ANO5: variants seen among roughly 807,000 people sequenced by gnomAD.
ANO5 encodes anoctamin 5.
Under a neutral mutation model 121.0 loss-of-function variants are expected in ANO5, and 109 were observed. The observed-to-expected ratio is 0.90, with a 90% CI of 0.77 to 1.06. The LOEUF is 1.06. ANO5 is among the 50% of genes least tolerant of loss of function. The probability of loss-of-function intolerance (pLI) is 0.00; values close to 1 mark genes in which losing one functional copy is unlikely to be tolerated. For missense variants in ANO5, 1,064 were observed against 1,078.5 expected, an observed-to-expected ratio of 0.99 and a Z score of 0.19; for synonymous variants, 406 against 359.9, an observed-to-expected ratio of 1.13 and a Z score of -1.45.
chr11:22,225,241 T>A (rs1283252287), intron 5 of ANO5, among the ~76,000 whole-genome samples: 1 of 152,046 alleles, frequency 6.6e-6, no homozygotes, highest in Non-Finnish European at 1.5e-5. Context: ...GAGGATGAGT[T>A]GAGGCCAGGA....
intron 1 of ANO5, among the ~76,000 whole-genome samples, chr11:22,194,710 GC>G (rs1352335788): frequency 3.3e-5 from 5 of 152,156 alleles, no homozygotes; most frequent in Admixed American, 1.3e-4. Context: ...GTTGTAACTG[GC>G]TTCTTTCTCG....
chr11:22,240,875 T>C (rs1853406832), intron 9 of ANO5, among the ~76,000 whole-genome samples: 1 of 152,132 alleles, frequency 6.6e-6, no homozygotes, highest in East Asian at 1.9e-4. Context: ...CTTTATTCAC[T>C]AAATAGTATA....
At chr11:22,213,891 T>TTTGTTTTG (rs1554921292) in intron 3 of ANO5, among the ~76,000 whole-genome samples, 2 of 148,380 alleles carry the variant, frequency 1.3e-5, no homozygotes, top group African/African-American at 5.2e-5. Context: ...GGTGTTTTGT[T>TTTGTTTTG]TTTTGTTTTG....
chr11:22,237,856 G>A (rs1320229486), intron 8 of ANO5, among the ~76,000 whole-genome samples: 1 of 151,702 alleles, frequency 6.6e-6, no homozygotes, highest in Admixed American at 6.6e-5. Context: ...ACCAATCCCC[G>A]GACCCTTGGA....
At chr11:22,241,007 C>T (rs1853411537) in intron 9 of ANO5, among the ~76,000 whole-genome samples, 1 of 151,712 alleles carries the variant, frequency 6.6e-6, no homozygotes, top group Non-Finnish European at 1.5e-5. Context: ...AAACATTAGG[C>T]TGTCCCAATT....
intron 15 of ANO5, chr11:22,261,121 T>G (rs1437234418): frequency 2.0e-5 from 3 of 152,214 alleles, no homozygotes; most frequent in Non-Finnish European, 4.4e-5. Flanking sequence ...TGGCAGATAG[T>G]GTTTGGAGAT....
chr11:22,276,903 A>C (rs1854873528), intron 21 of ANO5, among the ~76,000 whole-genome samples: 3 of 150,648 alleles, frequency 2.0e-5, no homozygotes, highest in Admixed American at 1.3e-4. Flanking sequence ...AGAACATGCC[A>C]TTCCAACCAG....
At chr11:22,236,357 A>AT in intron 8 of ANO5, 81 bp downstream of exon 8, 1 of 1,164,388 alleles carries the variant, frequency 8.6e-7, no homozygotes, top group Non-Finnish European at 1.3e-6. Flanking sequence ...ATCTTCCTTT[A>AT]CTTCAGTTGC....
Position 22,281,528 on chromosome 11 carries a change from C to T in ANO5, c.*1763C>T, listed in dbSNP as rs1046479645. The T allele has an allele frequency of 1.3e-5, 2 of 150,408 alleles. No individual in the cohort carries two copies. Among genetic ancestry groups the T allele is most frequent in the Admixed American group, 6.7e-5 (1 of 15,030 alleles). 9.3% of individuals were successfully genotyped at this position (150,408 alleles called of 1,614,324 possible). A position where few individuals can be genotyped will look rare whatever the true frequency, so the allele number is the denominator to read the frequency against. ...AGATAATATTTCTTTCTTGAAAAAACAAGTCAGGCTTACCATGATGTGTGC... is the reference window on the plus strand; with the variant it reads ...AGATAATATTTCTTTCTTGAAAAAATAAGTCAGGCTTACCATGATGTGTGC... On this transcript the variant is annotated 3_prime_UTR_variant, in exon 22 of 22. Coordinates refer to ENST00000324559, the MANE Select transcript of ANO5 (RefSeq NM_213599.3).
intron 7 of ANO5, among the ~76,000 whole-genome samples, chr11:22,235,020 A>G (rs1006497379): frequency 2.6e-5 from 4 of 152,112 alleles, no homozygotes; most frequent in East Asian, 3.9e-4. Context: ...ACTTCTCCCT[A>G]TGAATGAAAT....
At chr11:22,197,619 A>C (rs1851852218) in intron 1 of ANO5, among the ~76,000 whole-genome samples, 1 of 152,214 alleles carries the variant, frequency 6.6e-6, no homozygotes, top group Non-Finnish European at 1.5e-5. Context: ...GAAATATTTT[A>C]TTTTATACTG....
At chr11:22,274,177 CA>C (rs1854742664) in intron 19 of ANO5, among the ~76,000 whole-genome samples, 2 of 143,688 alleles carry the variant, frequency 1.4e-5, no homozygotes, top group Admixed American at 6.7e-5. Flanking sequence ...CACACACACA[CA>C]CACACACACA....
chr11:22,249,767 TC>T (rs1357985882), intron 9 of ANO5, among the ~76,000 whole-genome samples: 1 of 152,118 alleles, frequency 6.6e-6, no homozygotes, highest in Non-Finnish European at 1.5e-5. Flanking sequence ...GAAATGTATA[TC>T]TACAATGCGG....
chr11:22,279,194 A>G (rs111281762), intron 21 of ANO5, among the ~76,000 whole-genome samples: 2 of 151,948 alleles, frequency 1.3e-5, no homozygotes, highest in African/African-American at 4.8e-5. Context: ...TTTGGTTTCC[A>G]CTATCAGTCA....
Position 22,274,751 on chromosome 11 carries a change from A to G in ANO5, c.2414+4A>G, listed in dbSNP as rs1564953081. ...AACGAGACTTCATCACTTGCAGGTG[A>G]TTTGTTTGTTTGTTTGTTTAGGTTT... is the stretch of plus-strand genomic sequence containing the variant. On this transcript the variant is annotated splice_donor_region_variant and intron_variant, in intron 20 of 21. Transcript: ENST00000324559. 1 of 1,612,674 alleles carries G rather than the reference A, an allele frequency of 6.2e-7. No individual in the cohort carries two copies. The highest frequency in any genetic ancestry group is 1.1e-5 in the South Asian group (1 of 91,056).
intron 8 of ANO5, among the ~76,000 whole-genome samples, chr11:22,236,604 G>T (rs1002406680): frequency 3.3e-5 from 5 of 152,240 alleles, no homozygotes; most frequent in Admixed American, 3.3e-4. Flanking sequence ...GAGTCCTTTA[G>T]TTCTTTTCTC....
chr11:22,212,595 A>T (rs1852316227), intron 3 of ANO5, among the ~76,000 whole-genome samples: 1 of 151,924 alleles, frequency 6.6e-6, no homozygotes, highest in Non-Finnish European at 1.5e-5. Context: ...CAACCCTATC[A>T]GCAGTGTGTT....
At chr11:22,204,561 C>T (rs902578957) in intron 2 of ANO5, among the ~76,000 whole-genome samples, 37 of 152,098 alleles carry the variant, frequency 2.4e-4, no homozygotes, top group African/African-American at 8.4e-4. Flanking sequence ...TTGGAAAACA[C>T]GTCCTTCTAG....
chr11:22,223,258 T>C (rs901344502), intron 5 of ANO5, among the ~76,000 whole-genome samples: 14 of 151,944 alleles, frequency 9.2e-5, no homozygotes, highest in African/African-American at 3.1e-4. Flanking sequence ...AGTGAAATGA[T>C]AAAAAGCAAA....
Sources: allele counts gnomAD v4.1 joint callset (sites outside exome capture counted in the v4.1 genomes callset), GRCh38; gene constraint gnomAD v4.1.1; transcripts MANE v1.5; gene names NCBI Gene and HGNC (gene_info 2026-07-23, HGNC 2026-07-21).